The following NDUFAF2 variants were observed in gnomAD, a reference collection of about 807,000 sequenced individuals.
The protein encoded by NDUFAF2 is NADH:ubiquinone oxidoreductase complex assembly factor 2.
NDUFAF2 carries 13 observed loss-of-function variants against 22.8 expected under a neutral mutation model. The observed-to-expected ratio is 0.57, with a 90% confidence interval of 0.37 to 0.91. NDUFAF2 has a LOEUF of 0.91. NDUFAF2 is among the 40% of genes least tolerant of loss of function. The probability of loss-of-function intolerance (pLI) is 0.01; values close to 1 mark genes in which losing one functional copy is unlikely to be tolerated. For missense variants in NDUFAF2, 162 were observed against 195.2 expected (o/e 0.83, Z 1.01); for synonymous variants, 53 against 64.2 (o/e 0.83, Z 0.84).
At chr5:61,047,178 G>A (rs1751964452) in intron 1 of NDUFAF2, among the ~76,000 whole-genome samples, 2 of 152,012 alleles carry the variant, frequency 1.3e-5, no homozygotes, top group South Asian at 2.1e-4. Flanking sequence ...CATCCCGAGA[G>A]TATTAATACA....
chr5:61,109,756 A>T (rs1341582675), intron 3 of NDUFAF2, among the ~76,000 whole-genome samples: 2 of 151,994 alleles, frequency 1.3e-5, no homozygotes, highest in Non-Finnish European at 2.9e-5. Context: ...GCTGACACAC[A>T]CCCTCTCTTG....
chr5:60,972,120 T>C (rs2112573503), intron 1 of NDUFAF2, among the ~76,000 whole-genome samples: 1 of 151,994 alleles, frequency 6.6e-6, no homozygotes, highest in Middle Eastern at 3.4e-3. Context: ...TTTTTGTATT[T>C]TTAGTAGAGA....
chr5:61,082,187 C>T (rs1217381963), intron 2 of NDUFAF2, among the ~76,000 whole-genome samples: 1 of 152,090 alleles, frequency 6.6e-6, no homozygotes, highest in African/African-American at 2.4e-5. Context: ...GCTACAAGGA[C>T]CTGTAATGAA....
intron 2 of NDUFAF2, among the ~76,000 whole-genome samples, chr5:61,088,908 A>G (rs1006177249): frequency 2.0e-5 from 3 of 152,068 alleles, no homozygotes; most frequent in Admixed American, 6.6e-5. Context: ...TATCTTTTGG[A>G]TGCAGACTAT....
At chr5:60,982,601 C>G (rs1751000722) in intron 1 of NDUFAF2, among the ~76,000 whole-genome samples, 1 of 141,422 alleles carries the variant, frequency 7.1e-6, no homozygotes, top group Non-Finnish European at 1.5e-5. Flanking sequence ...TTCCTGTGTC[C>G]ATGTGTTCTC....
intron 1 of NDUFAF2, among the ~76,000 whole-genome samples, chr5:60,949,927 A>C (rs916219847): frequency 1.3e-5 from 2 of 152,164 alleles, no homozygotes; most frequent in African/African-American, 4.8e-5. Context: ...CATGTTGAGC[A>C]TGTATCTTGC....
intron 1 of NDUFAF2, chr5:61,050,342 A>G (rs1752010398): frequency 6.6e-6 from 1 of 152,122 alleles, no homozygotes; most frequent in Non-Finnish European, 1.5e-5. Flanking sequence ...GAAAATTATG[A>G]TGGAAATGAT....
intron 3 of NDUFAF2, among the ~76,000 whole-genome samples, chr5:61,130,619 C>A (rs1001502510): frequency 1.3e-5 from 2 of 152,070 alleles, no homozygotes; most frequent in Admixed American, 1.3e-4. Context: ...ATGAGATTTA[C>A]CTTCCCTCCC....
chr5:61,007,935 A>C (rs1375313850), intron 1 of NDUFAF2, among the ~76,000 whole-genome samples: 4 of 152,170 alleles, frequency 2.6e-5, no homozygotes, highest in Non-Finnish European at 5.9e-5. Flanking sequence ...GGATTAAGAA[A>C]ATGTGGCACA....
chr5:61,052,821 G>A (rs1335399043), intron 1 of NDUFAF2, among the ~76,000 whole-genome samples: 2 of 152,148 alleles, frequency 1.3e-5, no homozygotes, highest in Admixed American at 1.3e-4. Flanking sequence ...TTTTTCTGGG[G>A]CGAATATGAT....
At chr5:61,109,988 C>T (rs1752818134) in intron 3 of NDUFAF2, among the ~76,000 whole-genome samples, 1 of 151,994 alleles carries the variant, frequency 6.6e-6, no homozygotes, top group South Asian at 2.1e-4. Context: ...AGGTATGTTC[C>T]TTCTATACTC....
At chr5:61,087,586 A>C (rs1752519222) in intron 2 of NDUFAF2, among the ~76,000 whole-genome samples, 1 of 152,186 alleles carries the variant, frequency 6.6e-6, no homozygotes, top group South Asian at 2.1e-4. Flanking sequence ...TACTTTGGAA[A>C]ACAGTTTATT....
At chr5:61,145,585 C>T (rs1199186193) in intron 3 of NDUFAF2, among the ~76,000 whole-genome samples, 1 of 152,036 alleles carries the variant, frequency 6.6e-6, no homozygotes, top group African/African-American at 2.4e-5. Context: ...TTCCAAGATC[C>T]AAAAAATTCC....
intron 1 of NDUFAF2, among the ~76,000 whole-genome samples, chr5:61,015,022 T>C (rs948880959): frequency 2.6e-5 from 4 of 152,192 alleles, no homozygotes; most frequent in Non-Finnish European, 5.9e-5. Flanking sequence ...AGAATTTTTG[T>C]TTCTCCTTTT....
chr5:60,945,550 C>G, intron 1 of NDUFAF2, 168 bp downstream of exon 1: 1 of 1,041,602 alleles, frequency 9.6e-7, no homozygotes, highest in South Asian at 1.4e-5. Flanking sequence ...ACTCTGGCAT[C>G]GGAGCCCTAC....
chr5:61,058,969 C>T (rs1181695839), intron 1 of NDUFAF2, among the ~76,000 whole-genome samples: 1 of 151,930 alleles, frequency 6.6e-6, no homozygotes, highest in Non-Finnish European at 1.5e-5. Context: ...ATTGTAACTG[C>T]TTTTTCAGCA....
intron 1 of NDUFAF2, among the ~76,000 whole-genome samples, chr5:61,018,954 A>C (rs1751545239): frequency 6.6e-6 from 1 of 152,128 alleles, no homozygotes; most frequent in South Asian, 2.1e-4. Context: ...CAATATGCAC[A>C]CACAAAAAAT....
At chr5:61,064,435 C>T (rs181237197) in intron 1 of NDUFAF2, among the ~76,000 whole-genome samples, 4 of 152,176 alleles carry the variant, frequency 2.6e-5, no homozygotes, top group Admixed American at 1.3e-4. Context: ...CCAACAACAA[C>T]AGAATACACA....
intron 3 of NDUFAF2, among the ~76,000 whole-genome samples, chr5:61,150,519 T>C (rs1234466793): frequency 1.3e-5 from 2 of 152,196 alleles, no homozygotes; most frequent in African/African-American, 2.4e-5. Flanking sequence ...AGAGAAATTA[T>C]GTGAAGGCAG....
Sources: allele counts gnomAD v4.1 joint callset (sites outside exome capture counted in the v4.1 genomes callset), GRCh38; gene constraint gnomAD v4.1.1; transcripts MANE v1.5; gene names NCBI Gene and HGNC (gene_info 2026-07-23, HGNC 2026-07-21).